The following MYCBP2 variants were observed in gnomAD, a reference collection of about 807,000 sequenced individuals.
The protein encoded by MYCBP2 is E3 ubiquitin-protein ligase MYCBP2.
Under a neutral mutation model 525.3 loss-of-function variants are expected in MYCBP2, and 120 were observed. The ratio of observed to expected loss-of-function variants is 0.23; its 90% CI spans 0.20 to 0.27. The LOEUF is 0.27. Among genes scored for constraint, MYCBP2 ranks in the 10% least tolerant of loss-of-function variants. The pLI, the probability that MYCBP2 is intolerant of heterozygous loss-of-function variation, is 1.00. For synonymous variants in MYCBP2, 1,894 were observed against 1,955.8 expected (o/e 0.97, Z 0.83); for missense variants, 4,149 against 5,657.1 (o/e 0.73, Z 8.55).
At chr13:77,295,559 G>C (rs1243379092) in intron 2 of MYCBP2, among the ~76,000 whole-genome samples, 1 of 152,128 alleles carries the variant, frequency 6.6e-6, no homozygotes, top group Non-Finnish European at 1.5e-5. Context: ...AGTTACAATA[G>C]TAAAAACACT....
chr13:77,315,894 C>CAAA (rs34819956), intron 1 of MYCBP2, among the ~76,000 whole-genome samples: 5 of 94,264 alleles, frequency 5.3e-5, no homozygotes, highest in African/African-American at 8.0e-5. Flanking sequence ...GGCTCTGTCT[C>CAAA]AAAAAAAAAA....
At chr13:77,266,446 A>T (rs1182802795) in intron 8 of MYCBP2, among the ~76,000 whole-genome samples, 1 of 152,124 alleles carries the variant, frequency 6.6e-6, no homozygotes, top group Non-Finnish European at 1.5e-5. Flanking sequence ...GAGATAGATT[A>T]AAAAAGCAAT....
intron 17 of MYCBP2, among the ~76,000 whole-genome samples, chr13:77,236,351 G>C (rs1474729321): frequency 1.3e-5 from 2 of 152,110 alleles, no homozygotes; most frequent in African/African-American, 4.8e-5. Context: ...TTCATCTGTA[G>C]GCAGGTAGGC....
chr13:77,083,286 T>A, intron 62 of MYCBP2, 94 bp from the exon 63 acceptor site: 1 of 1,155,182 alleles, frequency 8.7e-7, no homozygotes, highest in Non-Finnish European at 1.2e-6. Context: ...AATGGTCATG[T>A]AACAGAAATA....
chr13:77,050,834 C>T (rs545405614), intron 82 of MYCBP2, among the ~76,000 whole-genome samples, 163 bp downstream of exon 82: 9 of 152,272 alleles, frequency 5.9e-5, no homozygotes, highest in African/African-American at 2.2e-4. Flanking sequence ...CTTCCTAATT[C>T]ACCCAGAAAG....
intron 37 of MYCBP2, among the ~76,000 whole-genome samples, chr13:77,173,939 C>T (rs1289396977): frequency 6.6e-6 from 1 of 152,144 alleles, no homozygotes; most frequent in Non-Finnish European, 1.5e-5. Context: ...CAAGGCAACA[C>T]CACTATCTGA....
chr13:77,283,225 C>T (rs1201549736), intron 3 of MYCBP2, among the ~76,000 whole-genome samples: 1 of 152,130 alleles, frequency 6.6e-6, no homozygotes, highest in Non-Finnish European at 1.5e-5. Flanking sequence ...TATGAGATAA[C>T]ATCTGAATCA....
intron 55 of MYCBP2, among the ~76,000 whole-genome samples, chr13:77,105,019 A>T (rs1429078696): frequency 2.0e-5 from 3 of 152,262 alleles, no homozygotes; most frequent in South Asian, 4.1e-4. Flanking sequence ...CTATTGTTAA[A>T]ATATCAGTTA....
Position 77,108,013 on chromosome 13 carries a change from CTG to C in MYCBP2, c.8141-9002_8141-9001del, listed in dbSNP as rs549767481. Among the ~76,000 whole-genome samples the C allele has an allele frequency of 1.9e-3, 288 of 152,114 alleles. 2 individuals carry two copies. Among genetic ancestry groups the C allele is most frequent in the African/African-American group, 6.7e-3 (280 of 41,510 alleles). On this transcript the variant is annotated intron_variant, in intron 55 of 82. Coordinates refer to ENST00000544440, the MANE Select transcript of MYCBP2 (RefSeq NM_015057.5). ...TTAGACTAAAGATTTGTTTATATAACTGTATTTATGTAAGACTTATTTACATA... is the reference window on the plus strand; with the variant it reads ...TTAGACTAAAGATTTGTTTATATAACTATTTATGTAAGACTTATTTACATA...
At chr13:77,168,368 A>G in intron 40 of MYCBP2, 60 bp downstream of exon 40, 1 of 1,385,412 alleles carries the variant, frequency 7.2e-7, no homozygotes, top group Non-Finnish European at 1.0e-6. Context: ...TCTTTAAGAT[A>G]TCATCAGAGA....
chr13:77,219,532 G>C (rs1413719756), intron 20 of MYCBP2, among the ~76,000 whole-genome samples: 1 of 151,694 alleles, frequency 6.6e-6, no homozygotes, highest in Admixed American at 6.6e-5. Context: ...TAAAGACAAA[G>C]GTTAGAGAGA....
chr13:77,281,773 T>C (rs2076212050), intron 3 of MYCBP2, among the ~76,000 whole-genome samples: 1 of 152,208 alleles, frequency 6.6e-6, no homozygotes, highest in African/African-American at 2.4e-5. Context: ...AACGTGACTT[T>C]ATTATTTCAT....
chr13:77,182,696 C>T (rs1460129152), intron 32 of MYCBP2, among the ~76,000 whole-genome samples: 2 of 152,210 alleles, frequency 1.3e-5, no homozygotes, highest in East Asian at 3.8e-4. Context: ...GTAAAACATA[C>T]TACTCTGCTA....
chr13:77,057,991 C>T (rs2038494822), intron 78 of MYCBP2, among the ~76,000 whole-genome samples: 1 of 152,018 alleles, frequency 6.6e-6, no homozygotes, highest in African/African-American at 2.4e-5. Context: ...GCACCCACCA[C>T]CACGCCCAGC....
rs773953632 is a variant in MYCBP2, at chr13:77,098,086, A to G, written c.9068T>C (p.Met3023Thr). The change falls in exon 56 of 83, where the codon ATG becomes ACG. Residue 3023 changes from methionine to threonine, a missense_variant. By Grantham distance (81) the Met-to-Thr change is moderately conservative. Coordinates refer to ENST00000544440, the MANE Select transcript of MYCBP2 (RefSeq NM_015057.5). ...GGCACATTCGGCCACAGAAGGAGAC[A>G]TGGCTTGCTTGGCTGGCTCTAAAGG... Reference protein sequence around the residue: ...SKPLEPAKQAMSPSVAECARA... With the variant: ...SKPLEPAKQATSPSVAECARA... The G allele has an allele frequency of 4.3e-5, 70 of 1,613,458 alleles. No homozygotes were observed. In the Middle Eastern group the frequency reaches 6.6e-4, roughly 15 times the overall value.
intron 1 of MYCBP2, among the ~76,000 whole-genome samples, chr13:77,316,941 C>CTTTTTTT (rs752591919): frequency 1.5e-5 from 2 of 133,578 alleles, no homozygotes; most frequent in Admixed American, 1.6e-4. Context: ...ATGGTGACTT[C>CTTTTTTT]TTTTTTTGTT....
At chr13:77,159,141 C>G (rs1395692492) in intron 44 of MYCBP2, among the ~76,000 whole-genome samples, 1 of 152,138 alleles carries the variant, frequency 6.6e-6, no homozygotes, top group Non-Finnish European at 1.5e-5. Context: ...GACTTAAATT[C>G]AAATCCTGGC....
At position 77,185,903 on chromosome 13, in the gene MYCBP2, C is replaced by T. The variant is rs1337214121; in HGVS notation, c.4412G>A (p.Arg1471His). The change falls in exon 31 of 83, where the codon CGT becomes CAT. Residue 1471 changes from arginine (R) to histidine (H), a missense_variant. Around this residue, in one of 21 missense-constraint regions of MYCBP2, gnomAD observed 292 missense variants for 330.5 expected, o/e 0.88. Transcript: ENST00000544440. ...FVGTCCLRLL[R>H]VYTCEIYPVS... ...TGGGTAAATTTCACAGGTATAGACA[C>T]GCAATAACCTCAGACAACAGGTACC... is the stretch of plus-strand genomic sequence containing the variant. The T allele has an allele frequency of 5.6e-6, 9 of 1,610,274 alleles. No homozygotes were observed. The highest frequency in any genetic ancestry group is 1.7e-5 in the Admixed American group (1 of 59,022).
Position 77,199,225 on chromosome 13 carries a change from T to C in MYCBP2, c.3844-4981A>G, listed in dbSNP as rs1196059529. Reference sequence around the variant, plus strand: ...GAAGCAGGGCGAGGCATTGCCTCACTCGGGAAGCGCAAGGGGTCAGGGAGT... The same window carrying C: ...GAAGCAGGGCGAGGCATTGCCTCACCCGGGAAGCGCAAGGGGTCAGGGAGT... On this transcript the variant is annotated intron_variant, in intron 26 of 82. Coordinates refer to ENST00000544440, the MANE Select transcript of MYCBP2 (RefSeq NM_015057.5). Among the ~76,000 whole-genome samples the C allele has an allele frequency of 2.6e-5, 4 of 152,328 alleles. No homozygotes were observed. In the East Asian group the frequency reaches 5.8e-4, roughly 22 times the overall value.
Sources: gnomAD v4.1 joint callset for allele counts (sites outside exome capture counted in the v4.1 genomes callset) on GRCh38, gnomAD v4.1.1 for gene constraint, gnomAD v4.1.1 regional missense constraint, MANE v1.5 for transcripts, NCBI Gene and HGNC (gene_info 2026-07-23, HGNC 2026-07-21) for gene names.